The following FREM1 variants were observed in gnomAD, a reference collection of about 807,000 sequenced individuals.
The protein encoded by FREM1 is FRAS1-related extracellular matrix protein 1.
FREM1 carries 220 observed loss-of-function variants against 210.1 expected under a neutral mutation model. That is an observed-to-expected ratio of 1.05 (90% CI 0.94 to 1.17). The LOEUF is 1.17. Ranked by LOEUF, FREM1 falls within the 50% of genes most tolerant of loss-of-function variation. The pLI is 0.00. For missense variants in FREM1, 3,454 were observed against 2,675.5 expected, an observed-to-expected ratio of 1.29 and a Z score of -6.42; for synonymous variants, 1,189 against 980.2, an observed-to-expected ratio of 1.21 and a Z score of -3.98.
At position 14,806,888 on chromosome 9, in the gene FREM1, C is replaced by T. The variant is rs111407016; in HGVS notation, c.3089-42G>A. On this transcript the variant is annotated intron_variant, in intron 17 of 36. Transcript: ENST00000380880. ...ACACAATTACAACTTAGCATGAAAT[C>T]CTCTAAACAGACTGGGTAGGACAAA... 234 of 1,326,434 alleles carry T rather than the reference C, an allele frequency of 1.8e-4. 1 individual carries two copies. Among genetic ancestry groups the T allele is most frequent in the African/African-American group, 1.4e-3 (98 of 68,834 alleles). 82.2% of individuals were successfully genotyped at this position (1,326,434 alleles called of 1,614,324 possible). A position where few individuals can be genotyped will look rare whatever the true frequency, so the allele number is the denominator to read the frequency against.
At chr9:14,825,262 C>T (rs1244440691) in intron 10 of FREM1, among the ~76,000 whole-genome samples, 2 of 151,736 alleles carry the variant, frequency 1.3e-5, no homozygotes, top group Admixed American at 1.3e-4. Flanking sequence ...CCGAGGTGGG[C>T]AGATCACCTG....
chr9:14,803,028 TTCTC>T (rs1234607956), intron 19 of FREM1, among the ~76,000 whole-genome samples: 2 of 145,276 alleles, frequency 1.4e-5, no homozygotes, highest in Non-Finnish European at 3.0e-5. Context: ...TCTTTCTTCT[TTCTC>T]TTTCTTTTCT....
At chr9:14,842,683 A>C (rs766506842) in intron 8 of FREM1, 23 bp from the exon 9 acceptor site, 1 of 1,561,030 alleles carries the variant, frequency 6.4e-7, no homozygotes, top group Non-Finnish European at 8.8e-7. Flanking sequence ...GCAGAGATGG[A>C]GCAGATTGAG....
At position 14,813,060 on chromosome 9, in the gene FREM1, A is replaced by G; in HGVS notation, c.2645T>C (p.Phe882Ser). 2 of 1,607,002 alleles carry G rather than the reference A, an allele frequency of 1.2e-6. No individual in the cohort carries two copies. The highest frequency in any genetic ancestry group is 1.7e-6 in the Non-Finnish European group (2 of 1,174,904). Residue 882 changes from phenylalanine to serine, a missense_variant, in exon 16 of 37, where the codon TTC (phenylalanine) becomes TCC (serine). Coordinates refer to ENST00000380880, the MANE Select transcript of FREM1 (RefSeq NM_001379081.2). ...SAEFVLHVEVFPVNDEPPVLK... is the reference protein window; with the variant it reads ...SAEFVLHVEVSPVNDEPPVLK... ...GACTGGTGGCTCATCGTTGACAGGGAATACCTAGGCAATGGAAAAAATGCA... is the reference window on the plus strand; with the variant it reads ...GACTGGTGGCTCATCGTTGACAGGGGATACCTAGGCAATGGAAAAAATGCA...
At chr9:14,885,699 G>T (rs1439292706) in intron 1 of FREM1, among the ~76,000 whole-genome samples, 1 of 149,918 alleles carries the variant, frequency 6.7e-6, no homozygotes, top group Non-Finnish European at 1.5e-5. Context: ...TGGGATTACA[G>T]GTGTGAGCCA....
In FREM1 at chr9:14,737,445, T is replaced by C; in HGVS notation, c.6491A>G (p.Asp2164Gly). 3.1e-6 allele frequency: 5 copies of C among 1,613,850 alleles called. No individual in the cohort carries two copies. The highest frequency in any genetic ancestry group is 1.3e-5 in the African/African-American group (1 of 75,008). ...VQRQGKWQTKDCRRAKPHNYV... is the reference protein window; with the variant it reads ...VQRQGKWQTKGCRRAKPHNYV... ...ATTATGAGGTTTGGCTCTCCTACAG[T>C]CTTTTGTTTGCCATTTCCCTTGTCT... is the stretch of plus-strand genomic sequence containing the variant. Residue 2164 changes from aspartate to glycine, a missense_variant, in exon 37 of 37, where the codon GAC (aspartate) becomes GGC (glycine). Asp to Gly is a moderately conservative substitution (Grantham distance 94). Coordinates refer to ENST00000380880, the MANE Select transcript of FREM1 (RefSeq NM_001379081.2).
At position 14,784,501 on chromosome 9, in the gene FREM1, C is replaced by T. The variant is rs758442741; in HGVS notation, c.4311G>A (p.Pro1437=). The T allele has an allele frequency of 9.3e-6, 15 of 1,613,676 alleles. No individual in the cohort carries two copies. The highest frequency in any genetic ancestry group is 4.0e-5 in the African/African-American group (3 of 74,880). Residue 1437 remains proline, a synonymous_variant, in exon 24 of 37, where the codon CCG becomes CCA. Coordinates refer to ENST00000380880, the MANE Select transcript of FREM1 (RefSeq NM_001379081.2). ...EELLYVITSP[P]RYGQIEYVHY... is the part of the protein sequence containing the mutation. The stretch of plus-strand genomic sequence containing the variant: ...GAACATATTCGATCTGGCCATATCG[C>T]GGAGGGGAGGTGATGACATAGAGCA...
chr9:14,768,823 G>A (rs1218811084), intron 27 of FREM1, among the ~76,000 whole-genome samples: 2 of 152,132 alleles, frequency 1.3e-5, no homozygotes, highest in African/African-American at 2.4e-5. Context: ...CATCATAAAA[G>A]GAGTATAACA....
At chr9:14,818,993 T>A (rs892439827) in intron 14 of FREM1, among the ~76,000 whole-genome samples, 2 of 152,188 alleles carry the variant, frequency 1.3e-5, no homozygotes, top group African/African-American at 4.8e-5. Context: ...AATTAAATTT[T>A]TATTGTTCAA....
At chr9:14,825,547 G>GTGTGTGTGTGTGTGTGTGTA in intron 10 of FREM1, among the ~76,000 whole-genome samples, 2 of 75,932 alleles carry the variant, frequency 2.6e-5, no homozygotes, top group Non-Finnish European at 4.9e-5. Context: ...GTGTGTGTGT[G>GTGTGTGTGTGTGTGTGTGTA]TATATATATA....
At chr9:14,905,903 A>C (rs1408386352) in intron 1 of FREM1, among the ~76,000 whole-genome samples, 1 of 111,284 alleles carries the variant, frequency 9.0e-6, no homozygotes, top group Non-Finnish European at 2.3e-5. Context: ...ATTTAAAAAA[A>C]GAAAAAAAAA....
At chr9:14,867,476 C>G (rs1450400352) in intron 2 of FREM1, among the ~76,000 whole-genome samples, 2 of 152,120 alleles carry the variant, frequency 1.3e-5, no homozygotes, top group South Asian at 2.1e-4. Context: ...ATCTTACAAG[C>G]AACTAGGCAG....
At chr9:14,884,659 G>A (rs929243523) in intron 1 of FREM1, among the ~76,000 whole-genome samples, 1 of 152,056 alleles carries the variant, frequency 6.6e-6, no homozygotes, top group African/African-American at 2.4e-5. Flanking sequence ...TATTCTTCAT[G>A]TTGATATAAA....
chr9:14,864,692 A>T (rs889769248), intron 2 of FREM1, among the ~76,000 whole-genome samples: 1 of 152,184 alleles, frequency 6.6e-6, no homozygotes, highest in African/African-American at 2.4e-5. Context: ...ATTCTGCCCA[A>T]TCTGACTCTG....
At chr9:14,756,855 T>C (rs1844475556) in intron 28 of FREM1, among the ~76,000 whole-genome samples, 1 of 152,160 alleles carries the variant, frequency 6.6e-6, no homozygotes, top group Non-Finnish European at 1.5e-5. Flanking sequence ...AAAAAGCAGG[T>C]ACCCCTGACA....
chr9:14,858,333 T>A (rs1829168733), intron 4 of FREM1, among the ~76,000 whole-genome samples: 1 of 152,134 alleles, frequency 6.6e-6, no homozygotes. Flanking sequence ...TTTCCACTCT[T>A]GTTTAGTATA....
chr9:14,868,378 G>T (rs932375889), intron 2 of FREM1, among the ~76,000 whole-genome samples: 8 of 151,166 alleles, frequency 5.3e-5, no homozygotes, highest in African/African-American at 2.0e-4. Context: ...TCAGGAAAGA[G>T]GAGAAATTGG....
intron 35 of FREM1, among the ~76,000 whole-genome samples, chr9:14,742,287 G>A (rs1841710728): frequency 6.6e-6 from 1 of 151,998 alleles, no homozygotes; most frequent in South Asian, 2.1e-4. Flanking sequence ...TAGACTTCAG[G>A]GTAACTCTAA....
intron 1 of FREM1, among the ~76,000 whole-genome samples, chr9:14,901,381 T>G (rs1329052048): frequency 1.3e-5 from 2 of 152,204 alleles, no homozygotes; most frequent in Non-Finnish European, 2.9e-5. Flanking sequence ...TGTTAATTTT[T>G]CAGTGAAACA....
Sources: gnomAD v4.1 joint callset for allele counts (sites outside exome capture counted in the v4.1 genomes callset) on GRCh38, gnomAD v4.1.1 for gene constraint, MANE v1.5 for transcripts, NCBI Gene and HGNC (gene_info 2026-07-23, HGNC 2026-07-21) for gene names.